The following ALG14 variants were observed in gnomAD, a reference collection of about 807,000 sequenced individuals.
ALG14 encodes ALG14 UDP-N-acetylglucosaminyltransferase subunit.
A neutral mutation model predicts 22.8 loss-of-function variants in ALG14; 17 were observed. The ratio of observed to expected loss-of-function variants is 0.75; its 90% confidence interval spans 0.51 to 1.12. The LOEUF (loss-of-function observed/expected upper bound fraction) is 1.12. ALG14 is among the 50% of genes most tolerant of loss of function. The probability of loss-of-function intolerance (pLI) is 0.00; values close to 1 mark genes in which losing one functional copy is unlikely to be tolerated. For synonymous variants in ALG14, 89 were observed against 103.7 expected (o/e 0.86, Z 0.86); for missense variants, 288 against 271.8 (o/e 1.06, Z -0.42).
Position 95,029,643 on chromosome 1 carries a change from A to C in ALG14, c.289-2383T>G, listed in dbSNP as rs1303110638. Among the ~76,000 whole-genome samples the C allele has an allele frequency of 2.0e-5, 3 of 152,222 alleles. No homozygotes were observed. In the East Asian group the frequency reaches 5.8e-4, roughly 29 times the overall value. ...GAGAAGCCTTTTTCTAAACCAGTGA[A>C]AAGCATATAACTACATTCTTGCACT... On this transcript the variant is annotated intron_variant, in intron 2 of 3. Transcript: ENST00000370205.
At position 95,072,886 on chromosome 1, in the gene ALG14, G is replaced by C. The variant is rs1675621666; in HGVS notation, c.13C>G (p.Leu5Val). 1.2e-5 allele frequency: 19 copies of C among 1,614,034 alleles called. No homozygotes were observed. In the East Asian group the frequency reaches 4.0e-4, roughly 34 times the overall value. The change falls in exon 1 of 4, where the codon CTC becomes GTC. Residue 5 changes from leucine to valine, a missense_variant. Physicochemically the swap from Leu to Val is conservative, Grantham distance 32. Coordinates refer to ENST00000370205, the MANE Select transcript of ALG14 (RefSeq NM_144988.4). Reference sequence around the variant, plus strand: ...GCTCCTGCGGCCGCAGCTAGAACGAGAACGCACACCATGCAGAGAAACGGC... The same window carrying C: ...GCTCCTGCGGCCGCAGCTAGAACGACAACGCACACCATGCAGAGAAACGGC... MVCV[L>V]VLAAAAGAVA...
At chr1:95,069,905 G>GA (rs1270250416) in intron 1 of ALG14, among the ~76,000 whole-genome samples, 2 of 152,134 alleles carry the variant, frequency 1.3e-5, no homozygotes, top group African/African-American at 4.8e-5. Flanking sequence ...TGGCCATAAA[G>GA]AAATTATCCG....
At chr1:95,061,346 T>C (rs1403404045) in intron 2 of ALG14, among the ~76,000 whole-genome samples, 2 of 152,202 alleles carry the variant, frequency 1.3e-5, no homozygotes, top group African/African-American at 4.8e-5. Flanking sequence ...ACCACACATT[T>C]TGCTATAGCT....
chr1:95,057,737 T>C (rs1409372522), intron 2 of ALG14, among the ~76,000 whole-genome samples: 1 of 151,602 alleles, frequency 6.6e-6, no homozygotes, highest in Non-Finnish European at 1.5e-5. Context: ...AAAATGGTCC[T>C]AAATTGAAGA....
intron 1 of ALG14, among the ~76,000 whole-genome samples, chr1:95,066,592 C>T (rs974165713): frequency 6.6e-6 from 1 of 152,060 alleles, no homozygotes; most frequent in Non-Finnish European, 1.5e-5. Flanking sequence ...TATATAGAAA[C>T]AAATTTGGCA....
chr1:95,057,339 A>G (rs1383271112), intron 2 of ALG14, among the ~76,000 whole-genome samples: 2 of 151,680 alleles, frequency 1.3e-5, no homozygotes, highest in Non-Finnish European at 1.5e-5. Context: ...AAAAAAATGG[A>G]TAACTGTATC....
intron 3 of ALG14, among the ~76,000 whole-genome samples, chr1:95,012,927 G>A (rs1255909105): frequency 6.6e-6 from 1 of 152,046 alleles, no homozygotes; most frequent in African/African-American, 2.4e-5. Context: ...GAGGTTGGGA[G>A]TTCAAGACCA....
intron 3 of ALG14, among the ~76,000 whole-genome samples, chr1:94,994,657 A>G (rs762067337): frequency 1.3e-5 from 2 of 152,152 alleles, no homozygotes; most frequent in African/African-American, 2.4e-5. Context: ...ACTCAAACCC[A>G]AGCTTTTTGA....
chr1:95,045,420 T>A (rs532305596), intron 2 of ALG14, among the ~76,000 whole-genome samples: 1 of 152,134 alleles, frequency 6.6e-6, no homozygotes, highest in Non-Finnish European at 1.5e-5. Flanking sequence ...AGGAAACCAT[T>A]GACAATGTTG....
chr1:94,993,497 G>A (rs1226070174), intron 3 of ALG14, among the ~76,000 whole-genome samples: 2 of 150,236 alleles, frequency 1.3e-5, no homozygotes, highest in African/African-American at 4.9e-5. Context: ...TATAAAGATA[G>A]AAGAAGCCTG....
intron 3 of ALG14, among the ~76,000 whole-genome samples, chr1:94,988,694 T>A (rs1174649551): frequency 1.3e-5 from 2 of 152,214 alleles, no homozygotes; most frequent in African/African-American, 4.8e-5. Flanking sequence ...GTTCTTTCAA[T>A]ACCAGGAGAA....
At chr1:94,992,496 G>A (rs1672800054) in intron 3 of ALG14, among the ~76,000 whole-genome samples, 1 of 152,120 alleles carries the variant, frequency 6.6e-6, no homozygotes. Flanking sequence ...CAGTAAAGAG[G>A]ATGACGAATG....
In ALG14 at chr1:94,979,240, T is replaced by A. The variant is rs1672450978; in HGVS notation, c.*3836A>T. ...CAGAGGTTACAGTGAGCCAGTAAGG[T>A]GAGATTGCACCACTGCACTCCAGCC... is the stretch of plus-strand genomic sequence containing the variant. On this transcript the variant is annotated 3_prime_UTR_variant, in exon 4 of 4. Coordinates refer to ENST00000370205, the MANE Select transcript of ALG14 (RefSeq NM_144988.4). The A allele has an allele frequency of 7.8e-6, 1 of 128,104 alleles. No individual in the cohort carries two copies. The highest frequency in any genetic ancestry group is 3.1e-5 in the African/African-American group (1 of 32,536). 7.9% of individuals were successfully genotyped at this position (128,104 alleles called of 1,614,324 possible).
intron 2 of ALG14, among the ~76,000 whole-genome samples, chr1:95,045,664 G>GTATACTAATAGAATTAGCATACTA (rs1431589822): frequency 5.5e-5 from 8 of 144,568 alleles, no homozygotes; most frequent in African/African-American, 2.1e-4. Context: ...TAACAGAATG[G>GTATACTAATAGAATTAGCATACTA]TATACTAATA....
At chr1:94,996,927 C>G (rs956069229) in intron 3 of ALG14, among the ~76,000 whole-genome samples, 3 of 152,154 alleles carry the variant, frequency 2.0e-5, no homozygotes, top group African/African-American at 7.2e-5. Context: ...AGGTGATCCA[C>G]CCGCCTTGGC....
At chr1:95,045,236 A>G (rs898861010) in intron 2 of ALG14, among the ~76,000 whole-genome samples, 1 of 152,146 alleles carries the variant, frequency 6.6e-6, no homozygotes, top group African/African-American at 2.4e-5. Context: ...TTTATAGCAT[A>G]TATTACTTTA....
intron 3 of ALG14, among the ~76,000 whole-genome samples, chr1:95,000,759 A>G (rs982213691): frequency 7.0e-6 from 1 of 143,146 alleles, no homozygotes; most frequent in Non-Finnish European, 1.5e-5. Context: ...CAAAAGCTTT[A>G]GGACCAATAT....
In ALG14 at chr1:94,981,086, C is replaced by T. The variant is rs1672482207; in HGVS notation, c.*1990G>A. ...CTTACCATTCATTTACCTAGTGCCACTCAGGGAACAAAGTACAGAGCAGAG... is the reference window on the plus strand; with the variant it reads ...CTTACCATTCATTTACCTAGTGCCATTCAGGGAACAAAGTACAGAGCAGAG... On this transcript the variant is annotated 3_prime_UTR_variant, in exon 4 of 4. Coordinates refer to ENST00000370205, the MANE Select transcript of ALG14 (RefSeq NM_144988.4). The T allele has an allele frequency of 1.3e-5, 2 of 152,194 alleles. No homozygotes were observed. The allele number at this position is 152,194 out of a possible 1,614,324, so 9.4% of individuals were successfully genotyped here.
chr1:94,993,656 G>A (rs1263301184), intron 3 of ALG14, among the ~76,000 whole-genome samples: 1 of 152,122 alleles, frequency 6.6e-6, no homozygotes, highest in Non-Finnish European at 1.5e-5. Context: ...CCATAACATG[G>A]TGAACAAGTC....
Sources: allele counts gnomAD v4.1 joint callset (sites outside exome capture counted in the v4.1 genomes callset), GRCh38; gene constraint gnomAD v4.1.1; transcripts MANE v1.5; gene names NCBI Gene and HGNC (gene_info 2026-07-23, HGNC 2026-07-21).